The following DLG5 variants were observed in gnomAD, a reference collection of about 807,000 sequenced individuals.
DLG5 encodes disks large homolog 5.
Under a neutral mutation model 189.8 loss-of-function variants are expected in DLG5, and 48 were observed. The observed-to-expected ratio is 0.25, with a 90% CI of 0.20 to 0.32. DLG5 has a LOEUF of 0.32. DLG5 is among the 10% of genes least tolerant of loss of function. DLG5 has a pLI of 1.00. For synonymous variants in DLG5, 1,016 were observed against 1,054.1 expected, an observed-to-expected ratio of 0.96 and a Z score of 0.70; for missense variants, 2,160 against 2,544.7, an observed-to-expected ratio of 0.85 and a Z score of 3.25.
chr10:77,809,311 CAGG>C (rs1416950361), intron 24 of DLG5, among the ~76,000 whole-genome samples: 4 of 152,140 alleles, frequency 2.6e-5, no homozygotes, highest in South Asian at 2.1e-4. Flanking sequence ...AAGGCTGAGG[CAGG>C]AGAATCGCTT....
intron 7 of DLG5, among the ~76,000 whole-genome samples, chr10:77,838,162 G>C (rs1471981960): frequency 1.3e-5 from 2 of 152,196 alleles, no homozygotes; most frequent in African/African-American, 4.8e-5. Context: ...TCCTCAAGCA[G>C]GACCTGTAGC....
the DLG5 span, among the ~76,000 whole-genome samples, chr10:77,932,900 AG>A: frequency 7.1e-6 from 1 of 140,372 alleles, no homozygotes; most frequent in Non-Finnish European, 1.7e-5. Flanking sequence ...CCCAAGTTCG[AG>A]GCCAAACAGG....
chr10:77,792,619 C>T (rs958556184), intron 31 of DLG5, 76 bp from the exon 32 acceptor site: 2 of 1,359,058 alleles, frequency 1.5e-6, no homozygotes, highest in African/African-American at 2.9e-5. Context: ...GTACAGCTTG[C>T]ACTCTTTCTA....
intron 2 of DLG5, among the ~76,000 whole-genome samples, chr10:77,858,188 C>T (rs554408490): frequency 2.0e-5 from 3 of 152,216 alleles, no homozygotes; most frequent in Admixed American, 1.3e-4. Context: ...CTCCAGCACC[C>T]CCTGAAATGC....
At chr10:77,921,527 C>T (rs1846533592) in intron 1 of DLG5, among the ~76,000 whole-genome samples, 1 of 152,214 alleles carries the variant, frequency 6.6e-6, no homozygotes, top group Non-Finnish European at 1.5e-5. Context: ...CCATTAAGGT[C>T]CTCCAGATTA....
chr10:77,794,857 C>T lies in DLG5; in HGVS notation c.5538G>A (p.Lys1846=), dbSNP rs1290584304. 2 of 1,613,864 alleles carry T rather than the reference C, an allele frequency of 1.2e-6. No individual in the cohort carries two copies. The highest frequency in any genetic ancestry group is 1.7e-5 in the Admixed American group (1 of 59,996). The change falls in exon 30 of 32, where the codon AAG becomes AAA. Residue 1846 remains lysine (K), a synonymous_variant. Transcript: ENST00000372391. ...GGGGGCCAGTTACCTACTTGATGTG[C>T]TTGGCGCTCTTGTAGTGGATGAAGA... ...IVIFIHYKSA[K]HIKEQRDPIY...
chr10:77,816,740 T>C, intron 19 of DLG5, 39 bp from the exon 20 acceptor site: 2 of 1,571,834 alleles, frequency 1.3e-6, no homozygotes, highest in Non-Finnish European at 1.7e-6. Flanking sequence ...TGAACTCCCA[T>C]CTCACTTCCC....
intron 13 of DLG5, among the ~76,000 whole-genome samples, chr10:77,827,621 T>C (rs569311182): frequency 4.2e-4 from 64 of 152,334 alleles, no homozygotes; most frequent in African/African-American, 1.5e-3. Context: ...AGAGATACCA[T>C]TACATGTCTC....
chr10:77,911,869 G>A lies in DLG5; in HGVS notation c.304+14348C>T, dbSNP rs1204492948. Among the ~76,000 whole-genome samples the A allele has an allele frequency of 1.3e-5, 2 of 151,742 alleles. 1 individual carries two copies. Among genetic ancestry groups the A allele is most frequent in the Admixed American group, 1.3e-4 (2 of 15,230 alleles). The stretch of plus-strand genomic sequence containing the variant: ...CGAACAGTTCTCTTATGCAATAGAG[G>A]GGTAAGGCAAACAAGTGATAACATT... On this transcript the variant is annotated intron_variant, in intron 1 of 31. Coordinates refer to ENST00000372391, the MANE Select transcript of DLG5 (RefSeq NM_004747.4).
At chr10:77,905,616 C>G (rs1846051351) in intron 1 of DLG5, among the ~76,000 whole-genome samples, 1 of 152,208 alleles carries the variant, frequency 6.6e-6, no homozygotes, top group Non-Finnish European at 1.5e-5. Context: ...ATGGGTAACT[C>G]TTTACCAAGA....
intron 5 of DLG5, chr10:77,846,623 G>C: frequency 2.3e-6 from 1 of 442,764 alleles, no homozygotes; most frequent in Non-Finnish European, 4.5e-6. Context: ...CTTGAACCCA[G>C]GAGGCGTAGG....
At chr10:77,806,649 T>A (rs10762765) in intron 26 of DLG5, 109 bp downstream of exon 26, 1 of 1,396,436 alleles carries the variant, frequency 7.2e-7, no homozygotes, top group South Asian at 1.3e-5. Flanking sequence ...AGAAGCAGAA[T>A]CCCTCCTCCA....
At chr10:77,833,689 A>AT (rs1326353007) in intron 9 of DLG5, among the ~76,000 whole-genome samples, 1 of 152,200 alleles carries the variant, frequency 6.6e-6, no homozygotes, top group East Asian at 1.9e-4. Flanking sequence ...GTGTCTAAGA[A>AT]TTTTTGGCCT....
At chr10:77,880,636 T>C (rs1481456340) in intron 1 of DLG5, among the ~76,000 whole-genome samples, 4 of 152,082 alleles carry the variant, frequency 2.6e-5, no homozygotes, top group African/African-American at 9.7e-5. Context: ...TCCCCAGTTA[T>C]CAAGGAGGCT....
chr10:77,927,989 C>A (rs890508493), upstream of DLG5: 2 of 152,242 alleles, frequency 1.3e-5, no homozygotes, highest in Non-Finnish European at 2.9e-5. Context: ...GTCCCAGCCA[C>A]ATGCCTCCTC....
At chr10:77,844,488 G>A (rs1268579222) in intron 5 of DLG5, among the ~76,000 whole-genome samples, 3 of 152,192 alleles carry the variant, frequency 2.0e-5, no homozygotes, top group Non-Finnish European at 4.4e-5. Context: ...ATCAGGTTAT[G>A]TAAATCGGAC....
At chr10:77,936,093 G>A in the DLG5 span, among the ~76,000 whole-genome samples, 2 of 152,164 alleles carry the variant, frequency 1.3e-5, no homozygotes, top group South Asian at 4.1e-4. Flanking sequence ...CTTCCAGACT[G>A]CTTTTGTTGT....
intron 1 of DLG5, among the ~76,000 whole-genome samples, chr10:77,916,170 T>C (rs1846351165): frequency 6.6e-6 from 1 of 152,000 alleles, no homozygotes; most frequent in South Asian, 2.1e-4. Flanking sequence ...CAGTAAGCCA[T>C]GATCATGCCA....
At chr10:77,882,198 A>G (rs1452276357) in intron 1 of DLG5, among the ~76,000 whole-genome samples, 2 of 152,232 alleles carry the variant, frequency 1.3e-5, no homozygotes, top group African/African-American at 4.8e-5. Flanking sequence ...AAGTGACCCC[A>G]TACTGTGGAA....
Sources: gnomAD v4.1 joint callset for allele counts (sites outside exome capture counted in the v4.1 genomes callset) on GRCh38, gnomAD v4.1.1 for gene constraint, MANE v1.5 for transcripts, NCBI Gene and HGNC (gene_info 2026-07-23, HGNC 2026-07-21) for gene names.